The following SLC2A12 variants were observed in gnomAD, a reference collection of about 807,000 sequenced individuals.
SLC2A12 encodes solute carrier family 2, facilitated glucose transporter member 12.
A neutral mutation model predicts 41.8 loss-of-function variants in SLC2A12; 23 were observed. That is an observed-to-expected ratio of 0.55 (90% CI 0.40 to 0.78). SLC2A12 has a LOEUF of 0.78. Among genes scored for constraint, SLC2A12 ranks in the 30% least tolerant of loss-of-function variants. The pLI, the probability that SLC2A12 is intolerant of heterozygous loss-of-function variation, is 0.00. For missense variants in SLC2A12, 654 were observed against 745.6 expected (o/e 0.88, Z 1.43); for synonymous variants, 295 against 285.9 (o/e 1.03, Z -0.32).
intron 4 of SLC2A12, among the ~76,000 whole-genome samples, chr6:133,991,672 G>A (rs1259529377): frequency 2.0e-4 from 31 of 151,924 alleles, no homozygotes; most frequent in Admixed American, 1.8e-3. Context: ...TATCTTCTAC[G>A]TTATCCCTTA....
At position 134,028,244 on chromosome 6, in the gene SLC2A12, T is replaced by C. The variant is rs1777140117; in HGVS notation, c.1444+137A>G. 2.5e-5 allele frequency: 29 copies of C among 1,176,292 alleles called. No individual in the cohort carries two copies. The South Asian group carries it at 4.3e-4, about 18-fold the overall frequency. 72.9% of individuals were successfully genotyped at this position (1,176,292 alleles called of 1,614,324 possible). The stretch of plus-strand genomic sequence containing the variant: ...TTCAGAAGCAGATATAAGCCAAGCA[T>C]ACTTTCTGCATTAGAAGGAACATCA... On this transcript the variant is annotated intron_variant, in intron 2 of 4. Coordinates refer to ENST00000275230, the MANE Select transcript of SLC2A12 (RefSeq NM_145176.3).
intron 2 of SLC2A12, among the ~76,000 whole-genome samples, chr6:134,020,872 T>C (rs1777031358): frequency 6.6e-6 from 1 of 152,208 alleles, no homozygotes; most frequent in South Asian, 2.1e-4. Context: ...CTCGTTGGCA[T>C]TGCTTCTGGT....
chr6:133,989,898 G>A lies in SLC2A12; in HGVS notation c.*1257C>T, dbSNP rs1776596611. The A allele has an allele frequency of 6.6e-6, 1 of 152,154 alleles. No individual in the cohort carries two copies. The highest frequency in any genetic ancestry group is 1.5e-5 in the Non-Finnish European group (1 of 68,024). 9.4% of individuals were successfully genotyped at this position (152,154 alleles called of 1,614,324 possible). A position where few individuals can be genotyped will look rare whatever the true frequency, so the allele number is the denominator to read the frequency against. On this transcript the variant is annotated 3_prime_UTR_variant, in exon 5 of 5. Transcript: ENST00000275230. ...ATTTTAAAATTCTTTTTCAAGTTAG[G>A]TTGTTCGTGCTTTTAAGTTTTTTGT...
At chr6:134,031,639 T>C (rs1357072505) in intron 1 of SLC2A12, among the ~76,000 whole-genome samples, 7 of 152,094 alleles carry the variant, frequency 4.6e-5, no homozygotes, top group African/African-American at 1.4e-4. Flanking sequence ...TAGGGAAGAT[T>C]AGGAATAGAA....
In SLC2A12 at chr6:134,029,519, G is replaced by A; in HGVS notation, c.306C>T (p.Asp102=). 1 of 1,614,120 alleles carries A rather than the reference G, an allele frequency of 6.2e-7. No individual in the cohort carries two copies. The highest frequency in any genetic ancestry group is 8.5e-7 in the Non-Finnish European group (1 of 1,180,022). The change falls in exon 2 of 5, where the codon GAC becomes GAT. Residue 102 remains aspartate, a synonymous_variant. Coordinates refer to ENST00000275230, the MANE Select transcript of SLC2A12 (RefSeq NM_145176.3). The stretch of plus-strand genomic sequence containing the variant: ...TGATTGCTGTCCTTCTTCCATATCT[G>A]TCTATCAGGACCCCTCCGGTGAGTG... ...LASLTGGVLI[D]RYGRRTAIIL...
intron 2 of SLC2A12, among the ~76,000 whole-genome samples, chr6:134,020,745 C>T (rs1777029575): frequency 6.6e-6 from 1 of 152,178 alleles, no homozygotes; most frequent in Non-Finnish European, 1.5e-5. Context: ...CCAAGCCTCA[C>T]GTGTGATTAC....
Position 134,026,648 on chromosome 6 carries a change from C to T in SLC2A12, c.1444+1733G>A, listed in dbSNP as rs148349844. Reference sequence around the variant, plus strand: ...ATTATCATTGTTAAGTCTTAAAAAGCAGGTTTAAGGTTCAGGAGCAGGTCT... The same window carrying T: ...ATTATCATTGTTAAGTCTTAAAAAGTAGGTTTAAGGTTCAGGAGCAGGTCT... On this transcript the variant is annotated intron_variant, in intron 2 of 4. Transcript: ENST00000275230. 2.3e-4 allele frequency among the ~76,000 whole-genome samples: 35 copies of T among 152,236 alleles called. No individual in the cohort carries two copies. In the East Asian group the frequency reaches 5.2e-3, roughly 23 times the overall value.
intron 4 of SLC2A12, among the ~76,000 whole-genome samples, chr6:133,993,173 C>T (rs1349887303): frequency 6.6e-6 from 1 of 152,160 alleles, no homozygotes; most frequent in East Asian, 1.9e-4. Flanking sequence ...CCTTCTCTCT[C>T]TGTTCTCTGA....
At chr6:134,043,790 C>CA (rs529160646) in intron 1 of SLC2A12, among the ~76,000 whole-genome samples, 7,722 of 69,292 alleles carry the variant, frequency 0.11, 395 homozygotes, top group East Asian at 0.29. Context: ...GACTCTGTCC[C>CA]AAAAAAAAAA....
chr6:134,002,251 G>C (rs1335918674), intron 3 of SLC2A12, 122 bp from the exon 4 acceptor site: 14 of 1,076,156 alleles, frequency 1.3e-5, no homozygotes, highest in Non-Finnish European at 1.6e-5. Flanking sequence ...GCAGTATCCA[G>C]GAAAATAGAA....
At chr6:134,032,450 A>ATT (rs1491172173) in intron 1 of SLC2A12, among the ~76,000 whole-genome samples, 4 of 44,384 alleles carry the variant, frequency 9.0e-5, no homozygotes, top group African/African-American at 4.2e-4. Flanking sequence ...ATATATATAA[A>ATT]TATATATATA....
At chr6:134,001,881 G>T in intron 4 of SLC2A12, 116 bp downstream of exon 4, 1 of 1,139,156 alleles carries the variant, frequency 8.8e-7, no homozygotes, top group Non-Finnish European at 1.2e-6. Context: ...TACGCTAAAG[G>T]GAATGTCCTA....
rs1562200282 is a variant in SLC2A12, at chr6:134,029,293, C to T, written c.532G>A (p.Gly178Ser). 8.7e-6 allele frequency: 14 copies of T among 1,614,016 alleles called. No homozygotes were observed. The highest frequency in any genetic ancestry group is 6.7e-5 in the East Asian group (3 of 44,888). ...TTTGAAATATAGGCAGAAAGAATGC[C>T]GATGACAATCATCAGCTCATTCAGT... ...VSLNELMIVI[G>S]ILSAYISNYA... Residue 178 changes from glycine (G) to serine (S), a missense_variant, in exon 2 of 5, where the codon GGC becomes AGC. Physicochemically the swap from Gly to Ser is moderately conservative, Grantham distance 56 (BLOSUM62 0). Coordinates refer to ENST00000275230, the MANE Select transcript of SLC2A12 (RefSeq NM_145176.3).
Position 133,999,291 on chromosome 6 carries a change from C to T in SLC2A12, c.1700+2706G>A, listed in dbSNP as rs1193959574. Reference sequence around the variant, plus strand: ...GAAGGAGAAATCAGGAGATTAGAGCCGTGAGCTAGGAGGCCCTCCAGGAAA... The same window carrying T: ...GAAGGAGAAATCAGGAGATTAGAGCTGTGAGCTAGGAGGCCCTCCAGGAAA... On this transcript the variant is annotated intron_variant, in intron 4 of 4. Coordinates refer to ENST00000275230, the MANE Select transcript of SLC2A12 (RefSeq NM_145176.3). Among the ~76,000 whole-genome samples, 4 of 152,236 alleles carry T rather than the reference C, an allele frequency of 2.6e-5. No homozygotes were observed. In the South Asian group the frequency reaches 8.3e-4, roughly 32 times the overall value.
chr6:133,994,559 C>G (rs1012881714), intron 4 of SLC2A12, among the ~76,000 whole-genome samples: 1 of 152,094 alleles, frequency 6.6e-6, no homozygotes, highest in African/African-American at 2.4e-5. Flanking sequence ...AACCCCGTCT[C>G]TACTAAAAAT....
intron 1 of SLC2A12, among the ~76,000 whole-genome samples, chr6:134,048,687 C>T (rs1179182886): frequency 6.6e-6 from 1 of 152,154 alleles, no homozygotes; most frequent in Non-Finnish European, 1.5e-5. Context: ...TTTTAAAGCA[C>T]TATAATTTTT....
At chr6:134,052,236 TGCGCGCGCGCGCATACACACACACACAC>T in intron 1 of SLC2A12, 114 bp downstream of exon 1, 1 of 502,916 alleles carries the variant, frequency 2.0e-6, no homozygotes. Flanking sequence ...CGCGCCCACA[TGCGCGCGCGCGCATACACACACACACAC>T]ACACACACAC....
In SLC2A12 at chr6:134,029,367, A is replaced by T; in HGVS notation, c.458T>A (p.Val153Asp). Residue 153 changes from valine to aspartate, a missense_variant, in exon 2 of 5, where the codon GTT becomes GAT. Coordinates refer to ENST00000275230, the MANE Select transcript of SLC2A12 (RefSeq NM_145176.3). ...TTGAGGAGCAATCTCTGCGATGTAAACACAAGTGGCAATGGAAGAGAGGGA... is the reference window on the plus strand; with the variant it reads ...TTGAGGAGCAATCTCTGCGATGTAATCACAAGTGGCAATGGAAGAGAGGGA... ...SISLSSIATC[V>D]YIAEIAPQHR... 6.2e-7 allele frequency: 1 copy of T among 1,614,168 alleles called. No individual in the cohort carries two copies. Among genetic ancestry groups the T allele is most frequent in the Non-Finnish European group, 8.5e-7 (1 of 1,180,028 alleles).
chr6:134,047,712 G>A (rs1777478576), intron 1 of SLC2A12, among the ~76,000 whole-genome samples: 1 of 152,178 alleles, frequency 6.6e-6, no homozygotes, highest in Non-Finnish European at 1.5e-5. Flanking sequence ...AGCAACTGTT[G>A]GTAATCTGAC....
Sources: gnomAD v4.1 joint callset for allele counts (sites outside exome capture counted in the v4.1 genomes callset) on GRCh38, gnomAD v4.1.1 for gene constraint, MANE v1.5 for transcripts, NCBI Gene and HGNC (gene_info 2026-07-23, HGNC 2026-07-21) for gene names.